Variants in ZFAT observed in about 807,000 individuals in gnomAD.
ZFAT encodes the protein zinc finger and AT-hook domain containing, also known as zinc finger protein ZFAT.
In ZFAT, 64 loss-of-function variants were observed where a neutral mutation model predicts 117.7. The observed-to-expected ratio is 0.54, with a 90% CI of 0.44 to 0.67. ZFAT has a LOEUF of 0.67. ZFAT is among the 30% of genes least tolerant of loss of function. ZFAT has a pLI of 0.00. For missense variants in ZFAT, 1,433 were observed against 1,584.5 expected (o/e 0.90, Z 1.62); for synonymous variants, 679 against 615.0 (o/e 1.10, Z -1.54).
chr8:134,585,174 G>T (rs1462144794), intron 9 of ZFAT, among the ~76,000 whole-genome samples: 1 of 152,130 alleles, frequency 6.6e-6, no homozygotes, highest in Non-Finnish European at 1.5e-5. Flanking sequence ...TTCTGGGTTG[G>T]TCATTTACAA....
chr8:134,636,113 T>G (rs1215847219), intron 3 of ZFAT, among the ~76,000 whole-genome samples: 1 of 152,330 alleles, frequency 6.6e-6, no homozygotes, highest in African/African-American at 2.4e-5. Flanking sequence ...CCATAAATAT[T>G]AGTTGATGAG....
intron 1 of ZFAT, among the ~76,000 whole-genome samples, chr8:134,666,909 G>A (rs112212309): frequency 9.3e-4 from 141 of 152,296 alleles, no homozygotes; most frequent in African/African-American, 3.3e-3. Flanking sequence ...AAGAAGCTGA[G>A]CAAACCCGAC....
intron 10 of ZFAT, among the ~76,000 whole-genome samples, chr8:134,577,465 T>C (rs1825390622): frequency 6.6e-6 from 1 of 152,236 alleles, no homozygotes; most frequent in Non-Finnish European, 1.5e-5. Flanking sequence ...TTGACCATAT[T>C]TTAAAATACC....
At chr8:134,778,902 G>A in the ZFAT span, among the ~76,000 whole-genome samples, 1 of 152,200 alleles carries the variant, frequency 6.6e-6, no homozygotes, top group East Asian at 1.9e-4. Context: ...CCAGAGATGA[G>A]GATAACAACG....
chr8:134,479,828 T>C (rs938449136), intron 15 of ZFAT, among the ~76,000 whole-genome samples: 1 of 152,164 alleles, frequency 6.6e-6, no homozygotes, highest in African/African-American at 2.4e-5. Context: ...AGTCTATTCA[T>C]CTGTAAAACA....
intron 3 of ZFAT, among the ~76,000 whole-genome samples, chr8:134,626,720 C>G (rs1175395378): frequency 6.6e-6 from 1 of 152,252 alleles, no homozygotes; most frequent in Admixed American, 6.5e-5. Flanking sequence ...CATCCAGGCC[C>G]ACCTCTGGGC....
intron 7 of ZFAT, among the ~76,000 whole-genome samples, chr8:134,590,774 C>A (rs1826438245): frequency 6.7e-6 from 1 of 149,184 alleles, no homozygotes; most frequent in Non-Finnish European, 1.5e-5. Context: ...TCACCACCAC[C>A]ACAACCAGCA....
the ZFAT span, among the ~76,000 whole-genome samples, chr8:134,773,995 T>TGG: frequency 7.2e-6 from 1 of 138,942 alleles, no homozygotes; most frequent in Admixed American, 7.1e-5. Context: ...TTTTTTTTTT[T>TGG]TTTTTTTTTT....
the ZFAT span, among the ~76,000 whole-genome samples, chr8:134,776,661 A>G: frequency 6.6e-6 from 1 of 152,190 alleles, no homozygotes. Flanking sequence ...GCAGTTACGT[A>G]CGAAGCCACA....
intron 2 of ZFAT, among the ~76,000 whole-genome samples, chr8:134,653,270 TAAAAAAAAAAA>T (rs374514584): frequency 1.1e-5 from 1 of 91,888 alleles, no homozygotes; most frequent in Non-Finnish European, 2.1e-5. Context: ...ATGTCTTTTT[TAAAAAAAAAAA>T]AAAAAAAAAA....
chr8:134,528,195 G>A (rs1205610886), intron 12 of ZFAT, among the ~76,000 whole-genome samples: 1 of 152,234 alleles, frequency 6.6e-6, no homozygotes, highest in African/African-American at 2.4e-5. Context: ...ACTGAGTTTG[G>A]CTTGGCCACT....
intron 1 of ZFAT, among the ~76,000 whole-genome samples, chr8:134,683,188 AAAG>A (rs1237745676): frequency 6.6e-6 from 1 of 152,224 alleles, no homozygotes; most frequent in African/African-American, 2.4e-5. Context: ...TACAAAAACA[AAAG>A]AAGAAGTGGC....
chr8:134,813,564 C>T, the ZFAT span, among the ~76,000 whole-genome samples: 2 of 152,138 alleles, frequency 1.3e-5, no homozygotes, highest in African/African-American at 4.8e-5. Context: ...AGGTGTGGGC[C>T]ACCACGCCCA....
At chr8:134,737,018 C>T in the ZFAT span, among the ~76,000 whole-genome samples, 7 of 152,286 alleles carry the variant, frequency 4.6e-5, no homozygotes, top group East Asian at 1.9e-4. Context: ...TGGTGGCTCA[C>T]GCCTATAATC....
At chr8:134,597,722 C>A (rs1204209789) in intron 7 of ZFAT, 1 of 152,182 alleles carries the variant, frequency 6.6e-6, no homozygotes, top group Non-Finnish European at 1.5e-5. Context: ...CCAGCCAGCG[C>A]TGGCTGGCTT....
intron 2 of ZFAT, among the ~76,000 whole-genome samples, chr8:134,642,075 G>C (rs1443787050): frequency 3.9e-5 from 6 of 152,192 alleles, no homozygotes; most frequent in Non-Finnish European, 8.8e-5. Flanking sequence ...AAAATCTTAA[G>C]AGATGGATGC....
intron 1 of ZFAT, among the ~76,000 whole-genome samples, chr8:134,679,870 T>A (rs1832982601): frequency 8.0e-6 from 1 of 125,480 alleles, no homozygotes; most frequent in Admixed American, 1.1e-4. Context: ...TTCTCACTCA[T>A]AAACGGGAGT....
In ZFAT at chr8:134,601,776, T is replaced by A. The variant is rs770058889; in HGVS notation, c.1943A>T (p.His648Leu). Reference sequence around the variant, plus strand: ...TTCCCCTAGGGGGCTCTGGGCGCCATGGCTTTCCTGATCTGACCCAGCACT... The same window carrying A: ...TTCCCCTAGGGGGCTCTGGGCGCCAAGGCTTTCCTGATCTGACCCAGCACT... ...AQSAGSDQES[H>L]GAQSPLGEGQ... The change falls in exon 6 of 16, where the codon CAT becomes CTT. Residue 648 changes from histidine to leucine, a missense_variant. Physicochemically the swap from His to Leu is moderately conservative, Grantham distance 99. Coordinates refer to ENST00000377838, the MANE Select transcript of ZFAT (RefSeq NM_020863.4). 3 of 1,613,930 alleles carry A rather than the reference T, an allele frequency of 1.9e-6. No homozygotes were observed. Among genetic ancestry groups the A allele is most frequent in the Non-Finnish European group, 2.5e-6 (3 of 1,179,952 alleles).
chr8:134,731,565 A>G, the ZFAT span, among the ~76,000 whole-genome samples: 1 of 152,270 alleles, frequency 6.6e-6, no homozygotes, highest in Non-Finnish European at 1.5e-5. Context: ...CTGTGTTTCA[A>G]AAAAACCTTA....
Sources: gnomAD v4.1 joint callset for allele counts (sites outside exome capture counted in the v4.1 genomes callset) on GRCh38, gnomAD v4.1.1 for gene constraint, MANE v1.5 for transcripts, NCBI Gene and HGNC (gene_info 2026-07-23, HGNC 2026-07-21) for gene names.